Variants in RCAN2 observed in about 807,000 individuals in gnomAD.
The protein encoded by RCAN2 is regulator of calcineurin 2, also known as calcipressin-2.
Under a neutral mutation model 23.6 loss-of-function variants are expected in RCAN2, and 9 were observed. The ratio of observed to expected loss-of-function variants is 0.38; its 90% CI spans 0.23 to 0.67. The LOEUF is 0.67. RCAN2 is among the 30% of genes least tolerant of loss of function. The pLI is 0.51. For synonymous variants in RCAN2, 109 were observed against 115.7 expected, an observed-to-expected ratio of 0.94 and a Z score of 0.37; for missense variants, 273 against 302.3, an observed-to-expected ratio of 0.90 and a Z score of 0.72.
At chr6:46,377,884 C>T (rs567935999) in intron 2 of RCAN2, among the ~76,000 whole-genome samples, 3 of 152,128 alleles carry the variant, frequency 2.0e-5, no homozygotes, top group Non-Finnish European at 4.4e-5. Context: ...GATATCCGCT[C>T]CATACCACAA....
chr6:46,294,214 G>A (rs977245290), intron 2 of RCAN2, among the ~76,000 whole-genome samples: 24 of 152,166 alleles, frequency 1.6e-4, no homozygotes, highest in Non-Finnish European at 3.4e-4. Context: ...GATGATTCAC[G>A]GAATTTAAAA....
chr6:46,459,475 A>G (rs964047906), intron 1 of RCAN2, among the ~76,000 whole-genome samples: 3 of 152,216 alleles, frequency 2.0e-5, no homozygotes, highest in South Asian at 2.1e-4. Flanking sequence ...CTTAATTTCT[A>G]TCCTAAGCTG....
chr6:46,470,110 T>C (rs1297671371), intron 1 of RCAN2, among the ~76,000 whole-genome samples: 2 of 152,248 alleles, frequency 1.3e-5, no homozygotes, highest in Admixed American at 6.5e-5. Flanking sequence ...TATTTTGTTA[T>C]AGCAGCACAA....
intron 2 of RCAN2, among the ~76,000 whole-genome samples, chr6:46,335,804 C>T (rs1764121782): frequency 6.6e-6 from 1 of 152,152 alleles, no homozygotes; most frequent in African/African-American, 2.4e-5. Context: ...TTTAGAATGT[C>T]ATATTTATTA....
chr6:46,455,854 T>TA lies in RCAN2; in HGVS notation c.225+897dup, dbSNP rs572741888. 4.9e-3 allele frequency among the ~76,000 whole-genome samples: 493 copies of TA among 100,788 alleles called. 3 individuals carry two copies. The highest frequency in any genetic ancestry group is 0.012 in the South Asian group (39 of 3,316). The allele number at this position is 100,788 out of a possible 152,430, so 66.1% of individuals were successfully genotyped here. A position where few individuals can be genotyped will look rare whatever the true frequency, so the allele number is the denominator to read the frequency against. ...CCTGGGCAACAGAGCGAGATTCCGTTAAAAAAAAAAAAAGAAAGAAAGAAA... is the reference window on the plus strand; with the variant it reads ...CCTGGGCAACAGAGCGAGATTCCGTTAAAAAAAAAAAAAAGAAAGAAAGAAA... On this transcript the variant is annotated intron_variant, in intron 2 of 4. Transcript: ENST00000371374.
chr6:46,453,283 G>T (rs529363799), intron 2 of RCAN2, among the ~76,000 whole-genome samples: 2 of 152,144 alleles, frequency 1.3e-5, no homozygotes, highest in Non-Finnish European at 2.9e-5. Context: ...GCTGTAGCAC[G>T]CACACAGCAA....
At chr6:46,405,888 C>T (rs899274497) in intron 2 of RCAN2, among the ~76,000 whole-genome samples, 14 of 152,336 alleles carry the variant, frequency 9.2e-5, no homozygotes, top group South Asian at 2.1e-4. Context: ...GCATGGCAGG[C>T]TGCAGGTCCC....
At chr6:46,272,207 A>G (rs1437059146) in intron 2 of RCAN2, among the ~76,000 whole-genome samples, 1 of 152,216 alleles carries the variant, frequency 6.6e-6, no homozygotes, top group Non-Finnish European at 1.5e-5. Context: ...ATATTGCTAA[A>G]AAGATGAACA....
chr6:46,441,654 CA>C (rs766683592), intron 2 of RCAN2, among the ~76,000 whole-genome samples: 1 of 152,080 alleles, frequency 6.6e-6, no homozygotes, highest in Non-Finnish European at 1.5e-5. Context: ...TCTCTTAAAA[CA>C]CAGATGAGAT....
intron 2 of RCAN2, among the ~76,000 whole-genome samples, chr6:46,453,947 C>T (rs1246724637): frequency 1.3e-5 from 2 of 152,222 alleles, no homozygotes; most frequent in African/African-American, 2.4e-5. Context: ...GAAGGCTAAG[C>T]ATCATTTCTG....
chr6:46,390,199 G>C (rs533773733), intron 2 of RCAN2, among the ~76,000 whole-genome samples: 72 of 152,302 alleles, frequency 4.7e-4, no homozygotes, highest in African/African-American at 1.7e-3. Flanking sequence ...TATTTTTCAT[G>C]AAGCAGAAGA....
chr6:46,434,872 C>T (rs900520926), intron 2 of RCAN2, among the ~76,000 whole-genome samples: 8 of 152,176 alleles, frequency 5.3e-5, no homozygotes, highest in African/African-American at 1.9e-4. Flanking sequence ...ACTAAACATC[C>T]TACATGGCAC....
intron 2 of RCAN2, chr6:46,325,285 C>T (rs573174188): frequency 3.3e-6 from 4 of 1,225,784 alleles, no homozygotes; most frequent in Admixed American, 4.5e-5. Flanking sequence ...CTAGCGCAGA[C>T]TATGAGCTGA....
At chr6:46,328,971 T>C (rs1250350641) in intron 2 of RCAN2, among the ~76,000 whole-genome samples, 4 of 152,252 alleles carry the variant, frequency 2.6e-5, no homozygotes, top group Non-Finnish European at 5.9e-5. Flanking sequence ...AGAATATAGA[T>C]ACACTTTGGC....
chr6:46,473,894 T>C (rs1349419493), intron 1 of RCAN2, among the ~76,000 whole-genome samples: 1 of 152,202 alleles, frequency 6.6e-6, no homozygotes, highest in Non-Finnish European at 1.5e-5. Flanking sequence ...AAGTCTTACA[T>C]ATAAACTCAC....
Position 46,222,894 on chromosome 6 carries a change from T to A in RCAN2, c.*247A>T, listed in dbSNP as rs1026123631. 1 of 465,482 alleles carries A rather than the reference T, an allele frequency of 2.1e-6. No homozygotes were observed. Among genetic ancestry groups the A allele is most frequent in the Non-Finnish European group, 3.9e-6 (1 of 256,630 alleles). 28.8% of individuals were successfully genotyped at this position (465,482 alleles called of 1,614,324 possible). On this transcript the variant is annotated 3_prime_UTR_variant, in exon 5 of 5. Coordinates refer to ENST00000371374, the MANE Select transcript of RCAN2 (RefSeq NM_001251974.2). ...GAACAAAGATATAGGCTGTGCTGAT[T>A]GTTTAATAAGAAAATACTACTTTTT...
intron 2 of RCAN2, among the ~76,000 whole-genome samples, chr6:46,424,329 C>T (rs912599964): frequency 2.0e-5 from 3 of 152,158 alleles, no homozygotes; most frequent in African/African-American, 7.2e-5. Context: ...CCAGACATTA[C>T]ACAGCAAGCA....
chr6:46,403,327 C>A (rs1391911446), intron 2 of RCAN2, among the ~76,000 whole-genome samples: 2 of 152,000 alleles, frequency 1.3e-5, no homozygotes, highest in African/African-American at 4.8e-5. Context: ...AATCCCAGCA[C>A]TTTGAGAGGC....
At chr6:46,338,427 A>G (rs1764207251) in intron 2 of RCAN2, among the ~76,000 whole-genome samples, 1 of 152,140 alleles carries the variant, frequency 6.6e-6, no homozygotes, top group Non-Finnish European at 1.5e-5. Flanking sequence ...CCCGAGTCAC[A>G]CACCCCAACC....
Sources: allele counts gnomAD v4.1 joint callset (sites outside exome capture counted in the v4.1 genomes callset), GRCh38; gene constraint gnomAD v4.1.1; transcripts MANE v1.5; gene names NCBI Gene and HGNC (gene_info 2026-07-23, HGNC 2026-07-21).